Variants in SLC6A6 observed in about 807,000 individuals in gnomAD.
The protein encoded by SLC6A6 is solute carrier family 6 member 6.
SLC6A6 carries 16 observed loss-of-function variants against 68.8 expected under a neutral mutation model. The ratio of observed to expected loss-of-function variants is 0.23; its 90% confidence interval spans 0.16 to 0.35. The LOEUF is 0.35. SLC6A6 is among the 10% of genes least tolerant of loss of function. The pLI, the probability that SLC6A6 is intolerant of heterozygous loss-of-function variation, is 1.00. For synonymous variants in SLC6A6, 312 were observed against 315.4 expected (o/e 0.99, Z 0.12); for missense variants, 474 against 802.8 (o/e 0.59, Z 4.95).
At chr3:14,419,166 G>A (rs1402436896) in intron 2 of SLC6A6, among the ~76,000 whole-genome samples, 1 of 152,230 alleles carries the variant, frequency 6.6e-6, no homozygotes, top group East Asian at 1.9e-4. Context: ...TATAGAAAAG[G>A]CTGAGAGGCA....
At chr3:14,447,259 TCCATCCAAACATCCAA>T (rs1700145793) in intron 4 of SLC6A6, among the ~76,000 whole-genome samples, 1 of 151,470 alleles carries the variant, frequency 6.6e-6, no homozygotes, top group Admixed American at 6.6e-5. Context: ...CATCCATCCA[TCCATCCAAACATCCAA>T]CCATCCAACC....
intron 1 of SLC6A6, among the ~76,000 whole-genome samples, chr3:14,406,080 G>C (rs1253815396): frequency 6.6e-6 from 1 of 152,242 alleles, no homozygotes; most frequent in Non-Finnish European, 1.5e-5. Context: ...CAAGGGCACA[G>C]TGGCGTGAAA....
At chr3:14,419,448 CTA>C (rs1699438822) in intron 2 of SLC6A6, among the ~76,000 whole-genome samples, 1 of 152,202 alleles carries the variant, frequency 6.6e-6, no homozygotes, top group Non-Finnish European at 1.5e-5. Flanking sequence ...AGAGCCTGAA[CTA>C]TTAATGGACC....
intron 2 of SLC6A6, among the ~76,000 whole-genome samples, chr3:14,437,205 T>G (rs2124933276): frequency 6.6e-6 from 1 of 152,312 alleles, no homozygotes; most frequent in South Asian, 2.1e-4. Flanking sequence ...ATATTCTGCT[T>G]GTGTATATGG....
chr3:14,437,383 G>A (rs1421613015), intron 2 of SLC6A6, among the ~76,000 whole-genome samples: 14 of 151,916 alleles, frequency 9.2e-5, no homozygotes, highest in Non-Finnish European at 2.9e-5. Context: ...TCAGCCTCCC[G>A]AGTAGCTGGG....
chr3:14,456,957 G>A (rs1428746140), intron 5 of SLC6A6, among the ~76,000 whole-genome samples: 1 of 152,232 alleles, frequency 6.6e-6, no homozygotes, highest in African/African-American at 2.4e-5. Context: ...CAGCGTGGCT[G>A]TCCTCGATCA....
intron 6 of SLC6A6, among the ~76,000 whole-genome samples, chr3:14,464,345 G>C (rs1700566044): frequency 6.6e-6 from 1 of 152,178 alleles, no homozygotes; most frequent in Non-Finnish European, 1.5e-5. Flanking sequence ...ACGTGACCCT[G>C]GGCAAGTGAT....
chr3:14,432,931 G>C (rs892689817), intron 2 of SLC6A6: 4 of 152,292 alleles, frequency 2.6e-5, no homozygotes, highest in African/African-American at 9.7e-5. Context: ...TGTGTGTCCA[G>C]GCTGTCAGGC....
chr3:14,466,443 C>A, intron 6 of SLC6A6, 73 bp from the exon 7 acceptor site: 1 of 1,513,554 alleles, frequency 6.6e-7, no homozygotes, highest in Non-Finnish European at 9.0e-7. Context: ...CCCTCTGCCT[C>A]TCTGAGAGGA....
In SLC6A6 at chr3:14,487,316, T is replaced by C. The variant is rs1022650040; in HGVS notation, c.*2309T>C. 1.3e-5 allele frequency: 2 copies of C among 152,734 alleles called. No homozygotes were observed. Among genetic ancestry groups the C allele is most frequent in the Non-Finnish European group, 2.9e-5 (2 of 68,120 alleles). 9.5% of individuals were successfully genotyped at this position (152,734 alleles called of 1,614,324 possible). The stretch of plus-strand genomic sequence containing the variant: ...CAGGCCCCGCCTGGAAGGAAGTCGT[T>C]CCTCAACTCTCCCCAAGGCACCTGT... On this transcript the variant is annotated 3_prime_UTR_variant, in exon 15 of 15. Transcript: ENST00000622186.
At chr3:14,406,308 C>G (rs780422274) in intron 1 of SLC6A6, among the ~76,000 whole-genome samples, 1 of 152,094 alleles carries the variant, frequency 6.6e-6, no homozygotes, top group Non-Finnish European at 1.5e-5. Flanking sequence ...CCGTGCCAGC[C>G]GGAGGGCCTT....
intron 1 of SLC6A6, among the ~76,000 whole-genome samples, chr3:14,411,526 G>T (rs1052751453): frequency 2.6e-5 from 4 of 152,166 alleles, no homozygotes; most frequent in Non-Finnish European, 5.9e-5. Context: ...TGAGCCTTGT[G>T]GTCCTTTCCT....
intron 5 of SLC6A6, among the ~76,000 whole-genome samples, chr3:14,451,321 G>A (rs1376076207): frequency 6.6e-6 from 1 of 152,234 alleles, no homozygotes; most frequent in Non-Finnish European, 1.5e-5. Context: ...TTCCCCATCT[G>A]CAGATGGAGG....
chr3:14,453,503 CT>C (rs1700301160), intron 5 of SLC6A6, among the ~76,000 whole-genome samples: 1 of 152,340 alleles, frequency 6.6e-6, no homozygotes, highest in East Asian at 1.9e-4. Context: ...CATTCCTGAA[CT>C]TGTCTCAGCC....
At chr3:14,476,256 A>T (rs1295595333) in intron 10 of SLC6A6, among the ~76,000 whole-genome samples, 2 of 152,162 alleles carry the variant, frequency 1.3e-5, no homozygotes, top group African/African-American at 2.4e-5. Flanking sequence ...GGAGAGGAAG[A>T]GCTGAGTCTG....
intron 14 of SLC6A6, among the ~76,000 whole-genome samples, chr3:14,482,453 C>A (rs896269683): frequency 2.6e-5 from 4 of 152,246 alleles, no homozygotes; most frequent in African/African-American, 9.6e-5. Flanking sequence ...CTGGAGATCC[C>A]AGGCCCTGGC....
At chr3:14,438,072 T>C (rs1334406916) in intron 2 of SLC6A6, among the ~76,000 whole-genome samples, 1 of 150,186 alleles carries the variant, frequency 6.7e-6, no homozygotes, top group East Asian at 2.0e-4. Flanking sequence ...CTTGAACTCC[T>C]GACCTCAAGT....
At position 14,433,807 on chromosome 3, in the gene SLC6A6, A is replaced by C. The variant is rs2880212; in HGVS notation, c.-11-9817A>C. Among the ~76,000 whole-genome samples, 176 of 101,548 alleles carry C rather than the reference A, an allele frequency of 1.7e-3. 3 individuals are homozygous for C. The highest frequency in any genetic ancestry group is 5.3e-3 in the East Asian group (21 of 3,938). The allele number at this position is 101,548 out of a possible 152,430, so 66.6% of individuals were successfully genotyped here. A position where few individuals can be genotyped will look rare whatever the true frequency, so the allele number is the denominator to read the frequency against. On this transcript the variant is annotated intron_variant, in intron 2 of 14. Transcript: ENST00000622186. ...AACAGAGCTAGACTCTGTCTCAAAAAAAAAAAAAAAAAAAAAAAAAAGTCA... is the reference window on the plus strand; with the variant it reads ...AACAGAGCTAGACTCTGTCTCAAAACAAAAAAAAAAAAAAAAAAAAAGTCA...
chr3:14,453,040 C>G (rs531788585), intron 5 of SLC6A6, among the ~76,000 whole-genome samples: 1 of 152,218 alleles, frequency 6.6e-6, no homozygotes, highest in African/African-American at 2.4e-5. Flanking sequence ...CTGCAGCTGT[C>G]GGAAAGAGGA....
Sources: allele counts gnomAD v4.1 joint callset (sites outside exome capture counted in the v4.1 genomes callset), GRCh38; gene constraint gnomAD v4.1.1; transcripts MANE v1.5; gene names NCBI Gene and HGNC (gene_info 2026-07-23, HGNC 2026-07-21).